The following ERCC6L2 variants were observed in gnomAD, a reference collection of about 807,000 sequenced individuals.
ERCC6L2 encodes DNA excision repair protein ERCC-6-like 2.
A neutral mutation model predicts 132.0 loss-of-function variants in ERCC6L2; 77 were observed. The ratio of observed to expected loss-of-function variants is 0.58; its 90% confidence interval spans 0.49 to 0.71. The LOEUF (loss-of-function observed/expected upper bound fraction) is 0.71, where lower values mean the gene tolerates loss of function less well. Among genes scored for constraint, ERCC6L2 ranks in the 30% least tolerant of loss-of-function variants. The pLI is 0.00. For missense variants in ERCC6L2, 1,542 were observed against 1,837.6 expected (o/e 0.84, Z 2.94); for synonymous variants, 583 against 632.4 (o/e 0.92, Z 1.17).
At chr9:96,037,095 G>T (rs1328234657) in intron 19 of ERCC6L2, among the ~76,000 whole-genome samples, 2 of 152,104 alleles carry the variant, frequency 1.3e-5, no homozygotes, top group East Asian at 3.9e-4. Context: ...GACTCAAAAG[G>T]TATAAAGTTA....
intron 11 of ERCC6L2, among the ~76,000 whole-genome samples, chr9:95,937,514 C>T (rs550094562): frequency 2.9e-4 from 44 of 152,016 alleles, no homozygotes; most frequent in African/African-American, 8.4e-4. Flanking sequence ...ATAACATACT[C>T]AATTTCTTTA....
chr9:95,911,926 G>T (rs1829358862), intron 4 of ERCC6L2, among the ~76,000 whole-genome samples: 1 of 152,082 alleles, frequency 6.6e-6, no homozygotes, highest in Non-Finnish European at 1.5e-5. Context: ...ACATGTTTAT[G>T]CTGCAACTTT....
At chr9:95,895,661 A>G (rs1828414889) in intron 2 of ERCC6L2, among the ~76,000 whole-genome samples, 1 of 151,908 alleles carries the variant, frequency 6.6e-6, no homozygotes, top group African/African-American at 2.4e-5. Context: ...TCCCTACAGC[A>G]TAGTGACCTC....
chr9:96,008,471 A>G (rs1833930092), intron 18 of ERCC6L2, among the ~76,000 whole-genome samples: 1 of 152,128 alleles, frequency 6.6e-6, no homozygotes, highest in Admixed American at 6.5e-5. Context: ...GGAACTTTGC[A>G]GGTGTTAATT....
intron 12 of ERCC6L2, among the ~76,000 whole-genome samples, chr9:95,945,564 T>G (rs1831020851): frequency 6.6e-6 from 1 of 152,182 alleles, no homozygotes; most frequent in African/African-American, 2.4e-5. Context: ...GTCCATGAAA[T>G]CTTCACAATT....
At chr9:95,984,628 T>G (rs568302366) in intron 17 of ERCC6L2, among the ~76,000 whole-genome samples, 8 of 152,294 alleles carry the variant, frequency 5.3e-5, no homozygotes, top group Admixed American at 3.3e-4. Context: ...TTTTTTATTA[T>G]GATTATATAC....
chr9:95,916,678 C>A (rs1402771877), intron 6 of ERCC6L2, among the ~76,000 whole-genome samples: 1 of 149,362 alleles, frequency 6.7e-6, no homozygotes, highest in African/African-American at 2.5e-5. Context: ...CATTTCTCAT[C>A]AAAACCTTTT....
chr9:95,890,651 AT>A (rs1413094402), intron 2 of ERCC6L2, among the ~76,000 whole-genome samples: 1 of 152,204 alleles, frequency 6.6e-6, no homozygotes, highest in Non-Finnish European at 1.5e-5. Flanking sequence ...TTAAGGAATG[AT>A]GCCAGAAAAA....
At chr9:95,917,083 A>G (rs773468680) in intron 6 of ERCC6L2, among the ~76,000 whole-genome samples, 2 of 152,178 alleles carry the variant, frequency 1.3e-5, no homozygotes, top group Non-Finnish European at 2.9e-5. Context: ...TATACTGTGT[A>G]CTATCCACCA....
chr9:96,030,262 C>T (rs1185919740), intron 19 of ERCC6L2, among the ~76,000 whole-genome samples: 2 of 152,182 alleles, frequency 1.3e-5, no homozygotes, highest in South Asian at 2.1e-4. Flanking sequence ...AGGACATAGG[C>T]GGGGACAAAT....
chr9:95,971,894 T>G, intron 15 of ERCC6L2, 39 bp from the exon 16 acceptor site: 3 of 1,217,748 alleles, frequency 2.5e-6, no homozygotes, highest in Non-Finnish European at 3.2e-6. Flanking sequence ...CATTATATCT[T>G]GAGGTTTTCT....
chr9:95,957,659 C>T (rs2132998074), intron 13 of ERCC6L2, among the ~76,000 whole-genome samples: 1 of 151,916 alleles, frequency 6.6e-6, no homozygotes. Flanking sequence ...ATAAAATATA[C>T]ATTGTGCAGT....
rs982081555 is a variant in ERCC6L2 at position 95,928,440 on chromosome 9, A to T, written c.1606-279A>T. On this transcript the variant is annotated intron_variant, in intron 10 of 18. Transcript: ENST00000653738. ...TTTTAGAACTTAAAAAATAGCATGCATATATTTATGTAAATGATTTGACCA... is the reference window on the plus strand; with the variant it reads ...TTTTAGAACTTAAAAAATAGCATGCTTATATTTATGTAAATGATTTGACCA... Among the ~76,000 whole-genome samples the T allele has an allele frequency of 2.0e-5, 3 of 152,210 alleles. No homozygotes were observed. In the South Asian group the frequency reaches 6.2e-4, roughly 31 times the overall value.
At chr9:95,882,946 GA>G (rs1189927197) in intron 2 of ERCC6L2, among the ~76,000 whole-genome samples, 1 of 152,212 alleles carries the variant, frequency 6.6e-6, no homozygotes, top group African/African-American at 2.4e-5. Flanking sequence ...GAGCCTTCAA[GA>G]AATTACCTCT....
intron 4 of ERCC6L2, among the ~76,000 whole-genome samples, chr9:95,909,032 G>A (rs1005243688): frequency 1.3e-5 from 2 of 152,124 alleles, no homozygotes; most frequent in African/African-American, 4.8e-5. Context: ...AAATGACAGA[G>A]GATGAATTAA....
At chr9:95,888,556 T>A (rs1026437165) in intron 2 of ERCC6L2, among the ~76,000 whole-genome samples, 1 of 152,236 alleles carries the variant, frequency 6.6e-6, no homozygotes, top group Non-Finnish European at 1.5e-5. Context: ...ATTGTAAATG[T>A]GTCTTTAGTC....
intron 13 of ERCC6L2, among the ~76,000 whole-genome samples, chr9:95,961,247 T>C (rs1473280844): frequency 6.6e-6 from 1 of 152,014 alleles, no homozygotes; most frequent in African/African-American, 2.4e-5. Flanking sequence ...CCCTAATCCA[T>C]TGACTGATAC....
intron 17 of ERCC6L2, among the ~76,000 whole-genome samples, chr9:96,003,767 C>A (rs1420650134): frequency 6.6e-6 from 1 of 152,226 alleles, no homozygotes; most frequent in African/African-American, 2.4e-5. Flanking sequence ...TGCTTTCTTA[C>A]TTTTGAGCTC....
intron 17 of ERCC6L2, among the ~76,000 whole-genome samples, chr9:95,980,794 C>CA (rs955868718): frequency 6.6e-6 from 1 of 152,088 alleles, no homozygotes; most frequent in Non-Finnish European, 1.5e-5. Context: ...GAAGCAAGAA[C>CA]AAAAGAGACT....
Sources: allele counts gnomAD v4.1 joint callset (sites outside exome capture counted in the v4.1 genomes callset), GRCh38; gene constraint gnomAD v4.1.1; transcripts MANE v1.5; gene names NCBI Gene and HGNC (gene_info 2026-07-23, HGNC 2026-07-21).